The following CADPS2 variants were observed in gnomAD, a reference collection of about 807,000 sequenced individuals.
CADPS2 encodes the protein calcium-dependent secretion activator 2.
CADPS2 carries 93 observed loss-of-function variants against 172.5 expected under a neutral mutation model. The observed-to-expected ratio is 0.54, with a 90% CI of 0.46 to 0.64. CADPS2 has a LOEUF of 0.64. Ranked by LOEUF, CADPS2 falls within the 30% of genes least tolerant of loss-of-function variation. CADPS2 has a pLI of 0.00. For synonymous variants in CADPS2, 546 were observed against 555.2 expected, an observed-to-expected ratio of 0.98 and a Z score of 0.23; for missense variants, 1,420 against 1,565.9, an observed-to-expected ratio of 0.91 and a Z score of 1.57.
chr7:122,562,028 C>T (rs1278022190), intron 7 of CADPS2, among the ~76,000 whole-genome samples: 2 of 152,040 alleles, frequency 1.3e-5, no homozygotes, highest in African/African-American at 4.8e-5. Context: ...TAAATTACTG[C>T]CAAAATTTGA....
intron 3 of CADPS2, among the ~76,000 whole-genome samples, chr7:122,659,871 G>GAA (rs139992540): frequency 2.6e-5 from 4 of 151,052 alleles, no homozygotes; most frequent in Non-Finnish European, 4.4e-5. Context: ...CGCTGAAAGA[G>GAA]AAAAAAAAAT....
At chr7:122,374,562 ACTGTT>A (rs2042129288) in intron 25 of CADPS2, among the ~76,000 whole-genome samples, 1 of 152,206 alleles carries the variant, frequency 6.6e-6, no homozygotes, top group Non-Finnish European at 1.5e-5. Flanking sequence ...ACAAAAAAGA[ACTGTT>A]AGAATAAACA....
intron 2 of CADPS2, among the ~76,000 whole-genome samples, chr7:122,713,704 A>C (rs1168721227): frequency 6.6e-6 from 1 of 152,068 alleles, no homozygotes; most frequent in Non-Finnish European, 1.5e-5. Context: ...ATCTCTTTAC[A>C]CAAATACCTA....
intron 1 of CADPS2, among the ~76,000 whole-genome samples, chr7:122,823,628 A>T (rs1043096091): frequency 1.3e-5 from 2 of 152,246 alleles, no homozygotes; most frequent in African/African-American, 4.8e-5. Flanking sequence ...GTAGACTTTC[A>T]GTAGCAAGGC....
chr7:122,479,042 G>T (rs2057008932), intron 12 of CADPS2, among the ~76,000 whole-genome samples: 1 of 151,970 alleles, frequency 6.6e-6, no homozygotes, highest in African/African-American at 2.4e-5. Flanking sequence ...GATGTAAAAG[G>T]AAAAGGGAAA....
At chr7:122,383,701 G>T (rs1413987247) in intron 24 of CADPS2, among the ~76,000 whole-genome samples, 3 of 151,992 alleles carry the variant, frequency 2.0e-5, no homozygotes, top group African/African-American at 7.3e-5. Context: ...TCTACAATCA[G>T]GTGAACAGCA....
intron 17 of CADPS2, among the ~76,000 whole-genome samples, chr7:122,431,050 C>T (rs892975287): frequency 1.3e-5 from 2 of 152,218 alleles, no homozygotes; most frequent in African/African-American, 4.8e-5. Flanking sequence ...CCCACTTCTT[C>T]CTGCCGTGAT....
intron 3 of CADPS2, among the ~76,000 whole-genome samples, chr7:122,629,898 TC>T (rs1187446410): frequency 1.3e-5 from 2 of 152,138 alleles, no homozygotes; most frequent in Non-Finnish European, 2.9e-5. Context: ...ATTCTCCTGT[TC>T]TAAATTTGAC....
chr7:122,684,429 T>C (rs1329472224), intron 2 of CADPS2, among the ~76,000 whole-genome samples: 1 of 149,482 alleles, frequency 6.7e-6, no homozygotes, highest in Non-Finnish European at 1.5e-5. Context: ...AAGAAGTTTG[T>C]AGTAAGCATA....
chr7:122,506,025 C>T (rs2059583841), intron 9 of CADPS2, among the ~76,000 whole-genome samples: 1 of 152,114 alleles, frequency 6.6e-6, no homozygotes, highest in Non-Finnish European at 1.5e-5. Flanking sequence ...TGTACTCAGA[C>T]CTGTATCAGT....
At chr7:122,375,269 T>C (rs1237970488) in intron 25 of CADPS2, among the ~76,000 whole-genome samples, 3 of 152,016 alleles carry the variant, frequency 2.0e-5, no homozygotes, top group Non-Finnish European at 2.9e-5. Flanking sequence ...AAAGAATAAA[T>C]TGGAGGCACC....
intron 2 of CADPS2, among the ~76,000 whole-genome samples, chr7:122,675,605 T>C (rs1415351358): frequency 1.3e-5 from 2 of 152,156 alleles, no homozygotes; most frequent in South Asian, 2.1e-4. Context: ...AAAGAAAATG[T>C]GGCACATATA....
intron 1 of CADPS2, among the ~76,000 whole-genome samples, chr7:122,837,080 C>T (rs1808714185): frequency 6.6e-6 from 1 of 152,206 alleles, no homozygotes. Context: ...CAAACTGTCT[C>T]TCAGACCACA....
At chr7:122,766,322 C>A (rs2093551461) in intron 1 of CADPS2, among the ~76,000 whole-genome samples, 1 of 152,046 alleles carries the variant, frequency 6.6e-6, no homozygotes, top group Admixed American at 6.6e-5. Context: ...ACATCCAAAC[C>A]ATACACACAA....
chr7:122,762,503 CA>C (rs1182056705), intron 1 of CADPS2, among the ~76,000 whole-genome samples: 1 of 152,020 alleles, frequency 6.6e-6, no homozygotes, highest in African/African-American at 2.4e-5. Context: ...AAACTAAGAA[CA>C]GAGAAAAGAC....
intron 1 of CADPS2, among the ~76,000 whole-genome samples, chr7:122,817,345 C>A (rs1442480407): frequency 2.0e-5 from 3 of 152,166 alleles, no homozygotes; most frequent in Non-Finnish European, 4.4e-5. Context: ...TCTTCTTATT[C>A]TCTTCTCCAA....
At chr7:122,741,474 A>G (rs970154350) in intron 1 of CADPS2, among the ~76,000 whole-genome samples, 14 of 152,156 alleles carry the variant, frequency 9.2e-5, no homozygotes, top group African/African-American at 3.4e-4. Context: ...ACAGTTATGA[A>G]GCACTGTGAA....
At chr7:122,756,218 CTTAA>C (rs2093154186) in intron 1 of CADPS2, among the ~76,000 whole-genome samples, 1 of 146,406 alleles carries the variant, frequency 6.8e-6, no homozygotes. Flanking sequence ...TATACAAGGA[CTTAA>C]TTAATATATA....
At chr7:122,604,367 C>T (rs940951317) in intron 6 of CADPS2, among the ~76,000 whole-genome samples, 2 of 152,048 alleles carry the variant, frequency 1.3e-5, no homozygotes, top group Admixed American at 1.3e-4. Flanking sequence ...GTGCTTGTGT[C>T]CCAACAGAAG....
Sources: gnomAD v4.1 joint callset for allele counts (sites outside exome capture counted in the v4.1 genomes callset) on GRCh38, gnomAD v4.1.1 for gene constraint, MANE v1.5 for transcripts, NCBI Gene and HGNC (gene_info 2026-07-23, HGNC 2026-07-21) for gene names.